PLEKHA6: variants seen among roughly 807,000 people sequenced by gnomAD.
PLEKHA6 encodes pleckstrin homology domain containing A6.
Under a neutral mutation model 116.7 loss-of-function variants are expected in PLEKHA6, and 60 were observed. The ratio of observed to expected loss-of-function variants is 0.51; its 90% confidence interval spans 0.42 to 0.64. The LOEUF is 0.64. Ranked by LOEUF, PLEKHA6 falls within the 30% of genes least tolerant of loss-of-function variation. The pLI is 0.00. For synonymous variants in PLEKHA6, 489 were observed against 556.1 expected (o/e 0.88, Z 1.70); for missense variants, 1,338 against 1,422.7 (o/e 0.94, Z 0.96).
At chr1:204,364,348 T>G (rs2103399890), upstream of PLEKHA6, among the ~76,000 whole-genome samples, 1 of 152,340 alleles carries the variant, frequency 6.6e-6, no homozygotes, top group African/African-American at 2.4e-5. Context: ...CCAAGGATGC[T>G]GGGAAGCAGC....
intron 17 of PLEKHA6, among the ~76,000 whole-genome samples, chr1:204,235,468 A>G (rs1339353668): frequency 6.6e-6 from 1 of 152,206 alleles, no homozygotes; most frequent in African/African-American, 2.4e-5. Flanking sequence ...GCAGATACTG[A>G]GCCTCAAGTA....
chr1:204,231,533 C>G (rs1299554332), intron 17 of PLEKHA6, among the ~76,000 whole-genome samples: 1 of 151,636 alleles, frequency 6.6e-6, no homozygotes, highest in African/African-American at 2.4e-5. Context: ...TATGTAAACA[C>G]AGTTGTTATC....
intron 3 of PLEKHA6, 57 bp from the exon 4 acceptor site, chr1:204,268,369 C>A (rs1667073029): frequency 7.7e-7 from 1 of 1,298,156 alleles, no homozygotes; most frequent in Non-Finnish European, 1.1e-6. Context: ...CCTGCTTTAT[C>A]TGCAAGGGAG....
In PLEKHA6 at chr1:204,283,354, G is replaced by A. The variant is rs528374302; in HGVS notation, c.-94-8545C>T. Among the ~76,000 whole-genome samples, 13 of 152,280 alleles carry A rather than the reference G, an allele frequency of 8.5e-5. No homozygotes were observed. The South Asian group carries it at 2.5e-3, about 29-fold the overall frequency. On this transcript the variant is annotated intron_variant, in intron 1 of 22. Transcript: ENST00000272203. ...GTATCTTAGTTTTCTCATTTTAACA[G>A]TAAAACAATGGTATTGAGTGATGCC...
intron 1 of PLEKHA6, among the ~76,000 whole-genome samples, chr1:204,315,476 C>G (rs931834484): frequency 1.3e-5 from 2 of 152,226 alleles, no homozygotes; most frequent in African/African-American, 4.8e-5. Flanking sequence ...CCTTCCCTCT[C>G]CCCCAGATGC....
Position 204,228,890 on chromosome 1 carries a change from G to T in PLEKHA6, c.2752-29C>A. The stretch of plus-strand genomic sequence containing the variant: ...TGGAGGGGCTGGGGTCACCACCTCT[G>T]TCCCTTCCCAGAGTCTCCCACTACA... On this transcript the variant is annotated intron_variant, in intron 19 of 22. Coordinates refer to ENST00000272203, the MANE Select transcript of PLEKHA6 (RefSeq NM_014935.5). The surrounding 1 kb of genome is among the most constrained non-coding windows in gnomAD (Gnocchi z 4.0). 6.2e-7 allele frequency: 1 copy of T among 1,614,030 alleles called. No individual in the cohort carries two copies. The highest frequency in any genetic ancestry group is 8.5e-7 in the Non-Finnish European group (1 of 1,179,950).
At position 204,325,255 on chromosome 1, in the gene PLEKHA6, T is replaced by C. The variant is rs1305172904; in HGVS notation, c.-95+34439A>G. On this transcript the variant is annotated intron_variant, in intron 1 of 22. Transcript: ENST00000272203. ...AGTTCAGCTCTCTGGGGTCAGCCCA[T>C]AGAAAACGAATGCCAGGAAGAAATG... 2.6e-5 allele frequency among the ~76,000 whole-genome samples: 4 copies of C among 152,168 alleles called. No homozygotes were observed. The South Asian group carries it at 8.3e-4, about 31-fold the overall frequency.
At chr1:204,354,676 A>G (rs1370358286) in intron 1 of PLEKHA6, among the ~76,000 whole-genome samples, 1 of 152,228 alleles carries the variant, frequency 6.6e-6, no homozygotes, top group Admixed American at 6.5e-5. Flanking sequence ...TACTTGGGTC[A>G]GGATTTGAAC....
intron 1 of PLEKHA6, among the ~76,000 whole-genome samples, chr1:204,331,351 C>A (rs1044182277): frequency 3.9e-5 from 6 of 152,064 alleles, no homozygotes; most frequent in Admixed American, 1.3e-4. Context: ...GTGGGAAGAA[C>A]AAGAACACAG....
chr1:204,284,342 C>A (rs779185606), intron 1 of PLEKHA6, among the ~76,000 whole-genome samples: 9 of 152,194 alleles, frequency 5.9e-5, no homozygotes, highest in Non-Finnish European at 1.2e-4. Context: ...CCAAGGAGGG[C>A]TCAGCTGATG....
At chr1:204,288,717 T>A (rs1481510338) in intron 1 of PLEKHA6, among the ~76,000 whole-genome samples, 1 of 152,212 alleles carries the variant, frequency 6.6e-6, no homozygotes, top group Non-Finnish European at 1.5e-5. Flanking sequence ...AATTTGAGCC[T>A]GGCTGTTCAG....
At chr1:204,348,531 C>T (rs1572217512) in intron 1 of PLEKHA6, among the ~76,000 whole-genome samples, 2 of 152,328 alleles carry the variant, frequency 1.3e-5, no homozygotes, top group African/African-American at 4.8e-5. Context: ...TGAATTCACA[C>T]AGCATGGCTG....
chr1:204,281,059 A>G (rs527281689), intron 1 of PLEKHA6: 571 of 924,286 alleles, frequency 6.2e-4, no homozygotes, highest in Non-Finnish European at 6.9e-4. Context: ...ATGGTAGCAC[A>G]TGTCTGTAGT....
chr1:204,296,721 G>A (rs1234004061), intron 1 of PLEKHA6, among the ~76,000 whole-genome samples: 1 of 152,200 alleles, frequency 6.6e-6, no homozygotes, highest in Non-Finnish European at 1.5e-5. Context: ...GCTTCACTCA[G>A]AGACACCCCC....
intron 4 of PLEKHA6, 51 bp from the exon 5 acceptor site, chr1:204,267,598 G>A (rs368967267): frequency 1.4e-5 from 20 of 1,469,714 alleles, no homozygotes; most frequent in Middle Eastern, 1.7e-4. Flanking sequence ...GGACGTGGAC[G>A]AGGAGATGGG....
At chr1:204,267,328 T>A in intron 5 of PLEKHA6, 147 bp downstream of exon 5, 1 of 703,940 alleles carries the variant, frequency 1.4e-6, no homozygotes, top group Non-Finnish European at 2.6e-6. Context: ...TTTGTTTTTA[T>A]CCTGCTGCCA....
chr1:204,300,264 T>C (rs967984832), intron 1 of PLEKHA6, among the ~76,000 whole-genome samples: 3 of 152,142 alleles, frequency 2.0e-5, no homozygotes, highest in African/African-American at 7.2e-5. Flanking sequence ...TACCCAGGGC[T>C]CATGATCCTT....
rs368394401 is a variant in PLEKHA6, at chr1:204,287,234, CTT to C, written c.-94-12427_-94-12426del. On this transcript the variant is annotated intron_variant, in intron 1 of 22. Coordinates refer to ENST00000272203, the MANE Select transcript of PLEKHA6 (RefSeq NM_014935.5). ...CTTCCTTTTTGGTGACAGTCTCCCTCTTTTTTTTTTTTTTTAAATCACGTGGG... is the reference window on the plus strand; with the variant it reads ...CTTCCTTTTTGGTGACAGTCTCCCTCTTTTTTTTTTTTTAAATCACGTGGG... Among the ~76,000 whole-genome samples, 1,276 of 143,642 alleles carry C rather than the reference CTT, an allele frequency of 8.9e-3. 21 individuals are homozygous for C. The highest frequency in any genetic ancestry group is 0.03 in the African/African-American group (1,183 of 39,148). 94.2% of individuals were successfully genotyped at this position (143,642 alleles called of 152,430 possible).
intron 17 of PLEKHA6, among the ~76,000 whole-genome samples, chr1:204,232,335 C>T (rs899083232): frequency 6.6e-6 from 1 of 152,126 alleles, no homozygotes; most frequent in Non-Finnish European, 1.5e-5. Flanking sequence ...GGTTCTCAGC[C>T]TACCTAGTTC....
Sources: allele counts gnomAD v4.1 joint callset (sites outside exome capture counted in the v4.1 genomes callset), GRCh38; gene constraint gnomAD v4.1.1; non-coding constraint Gnocchi (gnomAD v3.1); transcripts MANE v1.5; gene names NCBI Gene and HGNC (gene_info 2026-07-23, HGNC 2026-07-21).